The following ZSWIM5 variants were observed in gnomAD, a reference collection of about 807,000 sequenced individuals.
ZSWIM5 encodes the protein zinc finger SWIM domain-containing protein 5.
Under a neutral mutation model 119.6 loss-of-function variants are expected in ZSWIM5, and 55 were observed. That is an observed-to-expected ratio of 0.46 (90% CI 0.37 to 0.58). The LOEUF is 0.58. Ranked by LOEUF, ZSWIM5 falls within the 20% of genes least tolerant of loss-of-function variation. ZSWIM5 has a pLI of 0.00. For synonymous variants in ZSWIM5, 537 were observed against 606.9 expected (o/e 0.88, Z 1.69); for missense variants, 1,193 against 1,512.8 (o/e 0.79, Z 3.51).
intron 1 of ZSWIM5, among the ~76,000 whole-genome samples, chr1:45,102,397 C>G (rs1645445635): frequency 6.6e-6 from 1 of 152,200 alleles, no homozygotes; most frequent in East Asian, 1.9e-4. Context: ...AGCCCCTACT[C>G]TGGGAAGTCT....
intron 1 of ZSWIM5, among the ~76,000 whole-genome samples, chr1:45,124,486 T>C (rs913200456): frequency 2.0e-5 from 3 of 151,956 alleles, no homozygotes; most frequent in Non-Finnish European, 4.4e-5. Context: ...ACAAATGCTA[T>C]AGATAGATCA....
intron 1 of ZSWIM5, among the ~76,000 whole-genome samples, chr1:45,155,165 C>T (rs528187777): frequency 6.6e-6 from 1 of 151,794 alleles, no homozygotes; most frequent in African/African-American, 2.4e-5. Context: ...CCAGAGTCTA[C>T]GAGGAACTCA....
At chr1:45,096,535 A>AAACAC (rs1553194017) in intron 1 of ZSWIM5, among the ~76,000 whole-genome samples, 6 of 140,436 alleles carry the variant, frequency 4.3e-5, no homozygotes, top group African/African-American at 1.6e-4. Context: ...TGGCCCTATC[A>AAACAC]ACACACACAC....
chr1:45,119,277 C>T (rs938312116), intron 1 of ZSWIM5, among the ~76,000 whole-genome samples: 1 of 152,190 alleles, frequency 6.6e-6, no homozygotes, highest in Non-Finnish European at 1.5e-5. Context: ...AGCATCCCAA[C>T]CCCCTTGTTC....
Position 45,018,883 on chromosome 1 carries a change from G to A in ZSWIM5, c.3129C>T (p.Leu1043=). ...GAGAGTGGCTGAGAGCACAAGCCCAGAGCACATCATTGATGGCTGGGTGAG... is the reference window on the plus strand; with the variant it reads ...GAGAGTGGCTGAGAGCACAAGCCCAAAGCACATCATTGATGGCTGGGTGAG... ...QDTHPAINDV[L]WACALSHSLG... Residue 1043 remains leucine (L), a synonymous_variant, in exon 14 of 14, where the codon CTC becomes CTT. Coordinates refer to ENST00000359600, the MANE Select transcript of ZSWIM5 (RefSeq NM_020883.2). This position sits in a 1 kb window ranked among gnomAD's most constrained non-coding sequence, Gnocchi z 6.7. 6.2e-7 allele frequency: 1 copy of A among 1,614,246 alleles called. No individual in the cohort carries two copies. Among genetic ancestry groups the A allele is most frequent in the Non-Finnish European group, 8.5e-7 (1 of 1,180,040 alleles).
chr1:45,165,284 A>C (rs1261705904), intron 1 of ZSWIM5, among the ~76,000 whole-genome samples: 4 of 152,170 alleles, frequency 2.6e-5, no homozygotes. Flanking sequence ...CAAGGACACA[A>C]CATACCAGAA....
rs929983793 is a variant in ZSWIM5 at position 45,051,388 on chromosome 1, A to C, written c.1253-135T>G. The C allele has an allele frequency of 3.2e-6, 3 of 930,360 alleles. No individual in the cohort carries two copies. In the African/African-American group the frequency reaches 5.1e-5, roughly 16 times the overall value. 57.6% of individuals were successfully genotyped at this position (930,360 alleles called of 1,614,324 possible). ...CTTTTCTTAATATAAAAAACTTGCT[A>C]AGATTTTCAGAACTGGCTTGTTTTT... On this transcript the variant is annotated intron_variant, in intron 4 of 13. Coordinates refer to ENST00000359600, the MANE Select transcript of ZSWIM5 (RefSeq NM_020883.2).
At chr1:45,069,043 C>T (rs1570053560) in intron 2 of ZSWIM5, among the ~76,000 whole-genome samples, 1 of 151,728 alleles carries the variant, frequency 6.6e-6, no homozygotes. Flanking sequence ...AACTCCTGGG[C>T]TCATGCGATC....
chr1:45,040,787 T>C (rs1452004544), intron 6 of ZSWIM5, among the ~76,000 whole-genome samples: 1 of 152,162 alleles, frequency 6.6e-6, no homozygotes, highest in African/African-American at 2.4e-5. Flanking sequence ...AGTAGGATAA[T>C]AAAATGTAGT....
intron 1 of ZSWIM5, among the ~76,000 whole-genome samples, chr1:45,100,593 A>G (rs1008236154): frequency 6.6e-6 from 1 of 152,222 alleles, no homozygotes; most frequent in African/African-American, 2.4e-5. Context: ...CATTGCCAAG[A>G]CAATCCTAAG....
Position 45,018,688 on chromosome 1 carries a change from C to T in ZSWIM5, c.3324G>A (p.Leu1108=), listed in dbSNP as rs746524520. The T allele has an allele frequency of 1.2e-6, 2 of 1,614,262 alleles. No homozygotes were observed. The highest frequency in any genetic ancestry group is 1.7e-5 in the Admixed American group (1 of 60,032). Residue 1108 remains leucine (L), a synonymous_variant, in exon 14 of 14, where the codon TTG becomes TTA. Transcript: ENST00000359600. The surrounding 1 kb of genome is among the most constrained non-coding windows in gnomAD (Gnocchi z 6.7). ...GKLMSTDKAP[L]RQLLDATINA... is the part of the protein sequence containing the mutation. ...TGATGGTGGCATCCAGCAACTGGCG[C>T]AATGGAGCTTTGTCAGTGGACATGA...
At chr1:45,063,926 G>A (rs1645167390) in intron 2 of ZSWIM5, among the ~76,000 whole-genome samples, 1 of 151,776 alleles carries the variant, frequency 6.6e-6, no homozygotes, top group African/African-American at 2.4e-5. Flanking sequence ...AGCTTGCAGT[G>A]AGCCGAGATT....
Position 45,195,129 on chromosome 1 carries a change from A to T in ZSWIM5, c.595+10627T>A, listed in dbSNP as rs547190233. Among the ~76,000 whole-genome samples the T allele has an allele frequency of 5.9e-5, 9 of 152,276 alleles. No homozygotes were observed. In the East Asian group the frequency reaches 9.6e-4, roughly 16 times the overall value. Reference sequence around the variant, plus strand: ...AGACCCTTAACTGATTTAATAGAAAATTTTTAAACGCCATTTTTATATGTA... The same window carrying T: ...AGACCCTTAACTGATTTAATAGAAATTTTTTAAACGCCATTTTTATATGTA... On this transcript the variant is annotated intron_variant, in intron 1 of 13. Transcript: ENST00000359600.
At chr1:45,030,598 G>A (rs1194789559) in intron 11 of ZSWIM5, among the ~76,000 whole-genome samples, 1 of 152,054 alleles carries the variant, frequency 6.6e-6, no homozygotes, top group African/African-American at 2.4e-5. Flanking sequence ...TTTTGAAGGA[G>A]TTAGTCCATT....
At chr1:45,111,716 C>G (rs1427416288) in intron 1 of ZSWIM5, among the ~76,000 whole-genome samples, 2 of 152,274 alleles carry the variant, frequency 1.3e-5, no homozygotes, top group African/African-American at 4.8e-5. Flanking sequence ...CTGTATCAAT[C>G]TGACATTGAA....
intron 1 of ZSWIM5, among the ~76,000 whole-genome samples, chr1:45,144,129 A>C (rs1020976886): frequency 6.6e-6 from 1 of 152,168 alleles, no homozygotes; most frequent in African/African-American, 2.4e-5. Context: ...TAAAATATAG[A>C]CAAGCTAATT....
chr1:45,087,193 A>C (rs1645335967), intron 2 of ZSWIM5, among the ~76,000 whole-genome samples: 1 of 152,104 alleles, frequency 6.6e-6, no homozygotes, highest in Non-Finnish European at 1.5e-5. Context: ...CCCTTCTTTA[A>C]AATTTTCAAT....
rs1228389167 is a variant in ZSWIM5 at position 45,017,262 on chromosome 1, G to A, written c.*1192C>T. On this transcript the variant is annotated 3_prime_UTR_variant, in exon 14 of 14. Coordinates refer to ENST00000359600, the MANE Select transcript of ZSWIM5 (RefSeq NM_020883.2). ...CAGACATCCCTACATGTAGAAATAC[G>A]CTCAGTTACACATATAAAGACACAG... is the stretch of plus-strand genomic sequence containing the variant. 1.3e-5 allele frequency: 2 copies of A among 152,178 alleles called. No individual in the cohort carries two copies. The highest frequency in any genetic ancestry group is 6.5e-5 in the Admixed American group (1 of 15,276). 9.4% of individuals were successfully genotyped at this position (152,178 alleles called of 1,614,324 possible).
chr1:45,186,226 G>T (rs1646057468), intron 1 of ZSWIM5, among the ~76,000 whole-genome samples: 1 of 140,560 alleles, frequency 7.1e-6, no homozygotes, highest in Non-Finnish European at 1.5e-5. Flanking sequence ...ACAGGAAGGG[G>T]AACATCACAC....
Sources: gnomAD v4.1 joint callset for allele counts (sites outside exome capture counted in the v4.1 genomes callset) on GRCh38, gnomAD v4.1.1 for gene constraint, Gnocchi (gnomAD v3.1) non-coding constraint, MANE v1.5 for transcripts, NCBI Gene and HGNC (gene_info 2026-07-23, HGNC 2026-07-21) for gene names.